RFX4: variants seen among roughly 807,000 people sequenced by gnomAD.
RFX4 encodes regulatory factor X4.
A neutral mutation model predicts 95.0 loss-of-function variants in RFX4; 10 were observed. The observed-to-expected ratio is 0.11, with a 90% CI of 0.06 to 0.18. RFX4 has a LOEUF of 0.18. Ranked by LOEUF, RFX4 falls within the 10% of genes least tolerant of loss-of-function variation. The pLI, the probability that RFX4 is intolerant of heterozygous loss-of-function variation, is 1.00. For synonymous variants in RFX4, 321 were observed against 340.7 expected (o/e 0.94, Z 0.64); for missense variants, 640 against 922.0 (o/e 0.69, Z 3.96).
intron 1 of RFX4, among the ~76,000 whole-genome samples, chr12:106,593,907 A>G (rs1279229048): frequency 6.6e-6 from 1 of 152,204 alleles, no homozygotes; most frequent in Non-Finnish European, 1.5e-5. Context: ...TATAAACTCA[A>G]ACCTATTTAT....
chr12:106,748,667 G>C (rs1457649592), intron 16 of RFX4, among the ~76,000 whole-genome samples: 2 of 152,162 alleles, frequency 1.3e-5, no homozygotes, highest in African/African-American at 4.8e-5. Flanking sequence ...AAGAGATCCT[G>C]ACCGGGCACA....
chr12:106,698,071 C>G (rs1265329234), intron 8 of RFX4, among the ~76,000 whole-genome samples: 2 of 151,864 alleles, frequency 1.3e-5, no homozygotes, highest in African/African-American at 2.4e-5. Context: ...CTCCCGGGTT[C>G]AAGTGATTCT....
chr12:106,693,421 C>G (rs188855515), intron 7 of RFX4, among the ~76,000 whole-genome samples: 1 of 152,190 alleles, frequency 6.6e-6, no homozygotes, highest in African/African-American at 2.4e-5. Flanking sequence ...CTTTTCTAGA[C>G]ATTCTGCTAG....
intron 8 of RFX4, among the ~76,000 whole-genome samples, chr12:106,698,934 C>T (rs2041936135): frequency 6.6e-6 from 1 of 151,956 alleles, no homozygotes; most frequent in South Asian, 2.1e-4. Context: ...CTTTATTCCT[C>T]CCTTTTTGTG....
intron 11 of RFX4, 73 bp downstream of exon 11, chr12:106,715,617 C>T (rs113534461): frequency 3.4e-5 from 53 of 1,543,560 alleles, no homozygotes; most frequent in Non-Finnish European, 3.9e-5. Flanking sequence ...TAGTAAATAC[C>T]GAAGTGGCAT....
At chr12:106,641,771 T>C (rs2040627754) in intron 3 of RFX4, among the ~76,000 whole-genome samples, 1 of 152,158 alleles carries the variant, frequency 6.6e-6, no homozygotes, top group South Asian at 2.1e-4. Context: ...TAATTATCTT[T>C]ATATTATATG....
In RFX4 at chr12:106,757,790, C is replaced by A. The variant is rs576526643; in HGVS notation, c.1936-3407C>A. 4.3e-4 allele frequency among the ~76,000 whole-genome samples: 66 copies of A among 152,338 alleles called. 2 individuals are homozygous for A. The South Asian group carries it at 0.013, about 30-fold the overall frequency. ...AGGAATAAAGGGCTCTTTCTTCCCTCTCCATGTGTAGGAAAGTCAGCCCTT... is the reference window on the plus strand; with the variant it reads ...AGGAATAAAGGGCTCTTTCTTCCCTATCCATGTGTAGGAAAGTCAGCCCTT... On this transcript the variant is annotated intron_variant, in intron 17 of 17. Coordinates refer to ENST00000392842, the MANE Select transcript of RFX4 (RefSeq NM_213594.3).
intron 1 of RFX4, among the ~76,000 whole-genome samples, chr12:106,590,602 T>C (rs2039525357): frequency 6.6e-6 from 1 of 152,196 alleles, no homozygotes; most frequent in African/African-American, 2.4e-5. Context: ...GAGACCTAGC[T>C]TTTCATTTGT....
intron 1 of RFX4, among the ~76,000 whole-genome samples, chr12:106,604,608 A>T (rs970504569): frequency 6.6e-6 from 1 of 152,166 alleles, no homozygotes; most frequent in African/African-American, 2.4e-5. Flanking sequence ...CTTATATGCT[A>T]TGCATTCTTT....
intron 1 of RFX4, among the ~76,000 whole-genome samples, chr12:106,604,557 G>T (rs983234972): frequency 1.3e-5 from 2 of 148,258 alleles, no homozygotes; most frequent in African/African-American, 5.0e-5. Flanking sequence ...AAAAAAAAAA[G>T]AAAATGATTA....
chr12:106,631,451 T>C (rs1260522771), intron 2 of RFX4, among the ~76,000 whole-genome samples: 1 of 152,144 alleles, frequency 6.6e-6, no homozygotes, highest in Non-Finnish European at 1.5e-5. Context: ...CCCAAATTCA[T>C]ATGTTGAAAC....
chr12:106,608,945 G>C, intron 2 of RFX4, 62 bp downstream of exon 2: 1 of 1,483,378 alleles, frequency 6.7e-7, no homozygotes, highest in Non-Finnish European at 9.3e-7. Context: ...CTGATGGGAG[G>C]GTAGTGCCAC....
intron 4 of RFX4, among the ~76,000 whole-genome samples, chr12:106,668,015 G>A (rs1265749953): frequency 6.6e-6 from 1 of 152,104 alleles, no homozygotes; most frequent in Non-Finnish European, 1.5e-5. Context: ...CAAAAATTGG[G>A]GCTGTGGGGA....
chr12:106,646,078 C>A, intron 3 of RFX4: 1 of 549,950 alleles, frequency 1.8e-6, no homozygotes, highest in Non-Finnish European at 3.0e-6. Context: ...ATTTGACGGG[C>A]AATTTTGCAA....
At chr12:106,721,847 T>C (rs2042401480) in intron 13 of RFX4, among the ~76,000 whole-genome samples, 2 of 152,238 alleles carry the variant, frequency 1.3e-5, no homozygotes, top group South Asian at 4.1e-4. Flanking sequence ...CATCTAGCTT[T>C]TTATGGTCTT....
At chr12:106,645,239 C>T (rs1325706709) in intron 3 of RFX4, among the ~76,000 whole-genome samples, 1 of 152,160 alleles carries the variant, frequency 6.6e-6, no homozygotes, top group Admixed American at 6.5e-5. Context: ...GGATGGTGAG[C>T]GCTGCTGGAA....
rs1007366091 is a variant in RFX4, at chr12:106,759,969, G to A, written c.1936-1228G>A. ...CCTTAGGCTCTCACTCACAGAGGAA[G>A]AGCAGTTCCCTGTAGCCACCTAGAC... is the stretch of plus-strand genomic sequence containing the variant. On this transcript the variant is annotated intron_variant, in intron 17 of 17. Coordinates refer to ENST00000392842, the MANE Select transcript of RFX4 (RefSeq NM_213594.3). Among the ~76,000 whole-genome samples, 7 of 152,118 alleles carry A rather than the reference G, an allele frequency of 4.6e-5. No individual in the cohort carries two copies. The South Asian group carries it at 1.5e-3, about 32-fold the overall frequency.
chr12:106,717,569 T>G (rs531077562), intron 11 of RFX4, among the ~76,000 whole-genome samples: 40 of 152,336 alleles, frequency 2.6e-4, no homozygotes, highest in African/African-American at 9.6e-4. Context: ...GTGGTTCAGT[T>G]CAACCCAGCT....
Position 106,669,462 on chromosome 12 carries a change from G to A in RFX4, c.316-12531G>A, listed in dbSNP as rs1168722239. On this transcript the variant is annotated intron_variant, in intron 4 of 17. Coordinates refer to ENST00000392842, the MANE Select transcript of RFX4 (RefSeq NM_213594.3). ...CTCGCTGACCATCCTTGGGCAATGG[G>A]GAAAAAAGCCAAGTGTGTTCTGGGG... 2.6e-5 allele frequency among the ~76,000 whole-genome samples: 4 copies of A among 152,106 alleles called. No individual in the cohort carries two copies. The East Asian group carries it at 7.7e-4, about 29-fold the overall frequency.
Sources: gnomAD v4.1 joint callset for allele counts (sites outside exome capture counted in the v4.1 genomes callset) on GRCh38, gnomAD v4.1.1 for gene constraint, MANE v1.5 for transcripts, NCBI Gene and HGNC (gene_info 2026-07-23, HGNC 2026-07-21) for gene names.